Variants in ACOXL observed in about 807,000 individuals in gnomAD.
ACOXL encodes the protein acyl-coenzyme A oxidase-like protein.
In ACOXL, 70 loss-of-function variants were observed where a neutral mutation model predicts 71.9. The observed-to-expected ratio is 0.97, with a 90% CI of 0.80 to 1.19. The LOEUF is 1.19. ACOXL is among the 50% of genes most tolerant of loss of function. ACOXL has a pLI of 0.00. For synonymous variants in ACOXL, 253 were observed against 281.6 expected (o/e 0.90, Z 1.02); for missense variants, 703 against 736.3 (o/e 0.95, Z 0.52).
In ACOXL at chr2:110,995,982, T is replaced by G; in HGVS notation, c.1259T>G (p.Leu420Trp). ...CGTGAAAGGGTTCTTCAGCGGGGTT[T>G]GGTGGCCAGAATTTATTATAAGGTA... Reference protein sequence around the residue: ...KFRERVLQRGLVARIYYKVKT... With the variant: ...KFRERVLQRGWVARIYYKVKT... The change falls in exon 14 of 18, where the codon TTG (leucine) becomes TGG (tryptophan). Residue 420 changes from leucine to tryptophan, a missense_variant. Physicochemically the swap from Leu to Trp is moderately conservative, Grantham distance 61 (BLOSUM62 -2). Transcript: ENST00000439055. The G allele has an allele frequency of 6.3e-7, 1 of 1,591,436 alleles. No individual in the cohort carries two copies. The highest frequency in any genetic ancestry group is 8.5e-7 in the Non-Finnish European group (1 of 1,179,074).
At chr2:110,787,547 A>AG (rs1319268364) in intron 3 of ACOXL, among the ~76,000 whole-genome samples, 2 of 151,656 alleles carry the variant, frequency 1.3e-5, no homozygotes, top group Admixed American at 6.6e-5. Flanking sequence ...AAAAAAAAAA[A>AG]AAAAAGAAAA....
chr2:110,799,371 G>A (rs1407022463), intron 7 of ACOXL, among the ~76,000 whole-genome samples: 1 of 152,168 alleles, frequency 6.6e-6, no homozygotes, highest in Non-Finnish European at 1.5e-5. Flanking sequence ...CCACAATCCT[G>A]TTTTGTCTTC....
chr2:110,808,269 G>C lies in ACOXL; in HGVS notation c.753+2874G>C, dbSNP rs112616509. On this transcript the variant is annotated intron_variant, in intron 9 of 17. Coordinates refer to ENST00000439055, the MANE Select transcript of ACOXL (RefSeq NM_001142807.4). ...CATTCTCTTGGGTTGATTTTGCGCA[G>C]AGGTAAATATTTTAGCTAAGACAAG... Among the ~76,000 whole-genome samples, 56 of 152,268 alleles carry C rather than the reference G, an allele frequency of 3.7e-4. 1 individual carries two copies. Among genetic ancestry groups the C allele is most frequent in the African/African-American group, 1.3e-3 (52 of 41,540 alleles).
intron 3 of ACOXL, among the ~76,000 whole-genome samples, chr2:110,789,126 G>T (rs1684349692): frequency 6.6e-6 from 1 of 152,184 alleles, no homozygotes; most frequent in African/African-American, 2.4e-5. Flanking sequence ...CCAAGTGCTG[G>T]CAGGGCTGGG....
chr2:110,942,205 G>A (rs2060892697), intron 12 of ACOXL, among the ~76,000 whole-genome samples: 1 of 151,968 alleles, frequency 6.6e-6, no homozygotes. Flanking sequence ...ATAGCAAAAT[G>A]GTATATTTAA....
chr2:110,761,361 A>G (rs569551344), intron 1 of ACOXL, among the ~76,000 whole-genome samples: 3 of 152,152 alleles, frequency 2.0e-5, no homozygotes, highest in Non-Finnish European at 4.4e-5. Context: ...GTTGATTAAT[A>G]TCAACTCCCA....
chr2:111,041,591 TC>T (rs2065787371), intron 15 of ACOXL, among the ~76,000 whole-genome samples: 1 of 133,368 alleles, frequency 7.5e-6, no homozygotes, highest in African/African-American at 2.8e-5. Flanking sequence ...GGCTGCCGCC[TC>T]TGGCTGCCCC....
At chr2:110,903,014 G>C (rs1213346892) in intron 10 of ACOXL, among the ~76,000 whole-genome samples, 1 of 152,226 alleles carries the variant, frequency 6.6e-6, no homozygotes. Flanking sequence ...CGGTGGAGGA[G>C]GTTTTGTTCC....
intron 10 of ACOXL, among the ~76,000 whole-genome samples, chr2:110,896,274 G>A (rs577493385): frequency 6.6e-6 from 1 of 152,046 alleles, no homozygotes; most frequent in Non-Finnish European, 1.5e-5. Context: ...CATCAAAATG[G>A]AATTTTAGAA....
At chr2:111,105,390 A>C (rs1008524699) in intron 17 of ACOXL, among the ~76,000 whole-genome samples, 1 of 152,040 alleles carries the variant, frequency 6.6e-6, no homozygotes, top group Non-Finnish European at 1.5e-5. Context: ...TTTGATAGGT[A>C]TTGCATTAAA....
intron 16 of ACOXL, among the ~76,000 whole-genome samples, chr2:111,089,874 T>C (rs1271538808): frequency 6.6e-6 from 1 of 152,122 alleles, no homozygotes; most frequent in Non-Finnish European, 1.5e-5. Context: ...ACACTGGATA[T>C]TGCTTTTAGT....
intron 13 of ACOXL, among the ~76,000 whole-genome samples, chr2:110,988,857 T>TTGTGTG (rs70958753): frequency 0.032 from 4,568 of 143,412 alleles, 104 homozygotes; most frequent in South Asian, 0.05. Flanking sequence ...CCTATTTTTA[T>TTGTGTG]TGTGTGTGTG....
At chr2:110,736,383 C>G (rs918157469) in intron 1 of ACOXL, among the ~76,000 whole-genome samples, 100 of 152,276 alleles carry the variant, frequency 6.6e-4, no homozygotes, top group African/African-American at 2.4e-3. Flanking sequence ...ACTAACTCCC[C>G]ACTCCCCTCT....
chr2:111,025,402 G>T (rs187760111), intron 14 of ACOXL, among the ~76,000 whole-genome samples: 1 of 152,270 alleles, frequency 6.6e-6, no homozygotes, highest in African/African-American at 2.4e-5. Context: ...ATCAGAAATT[G>T]CCCAGCTGTT....
rs1042340404 is a variant in ACOXL at position 110,816,662 on chromosome 2, A to G, written c.753+11267A>G. Among the ~76,000 whole-genome samples the G allele has an allele frequency of 2.0e-5, 3 of 152,146 alleles. No individual in the cohort carries two copies. The South Asian group carries it at 6.2e-4, about 32-fold the overall frequency. On this transcript the variant is annotated intron_variant, in intron 9 of 17. Coordinates refer to ENST00000439055, the MANE Select transcript of ACOXL (RefSeq NM_001142807.4). ...GTGACTGGAGTGCTATTCTAGGTGGATGATACACAGGTCCGGGGATGGTCT... is the reference window on the plus strand; with the variant it reads ...GTGACTGGAGTGCTATTCTAGGTGGGTGATACACAGGTCCGGGGATGGTCT...
chr2:111,114,527 C>CA (rs1366949645), intron 17 of ACOXL, among the ~76,000 whole-genome samples: 3 of 151,896 alleles, frequency 2.0e-5, no homozygotes, highest in Non-Finnish European at 4.4e-5. Context: ...GGATTTTTCA[C>CA]AAAAAACAGC....
At chr2:111,073,048 T>C (rs1574673951) in intron 16 of ACOXL, among the ~76,000 whole-genome samples, 1 of 152,368 alleles carries the variant, frequency 6.6e-6, no homozygotes, top group South Asian at 2.1e-4. Flanking sequence ...GTTTGCCATA[T>C]GTATCCCCTT....
At chr2:110,927,459 G>T (rs1433150486) in intron 11 of ACOXL, among the ~76,000 whole-genome samples, 1 of 152,062 alleles carries the variant, frequency 6.6e-6, no homozygotes, top group East Asian at 1.9e-4. Context: ...CCTGTCCTGT[G>T]CTCCTGCTGT....
At chr2:111,104,229 A>G (rs1413646870) in intron 17 of ACOXL, among the ~76,000 whole-genome samples, 1 of 152,222 alleles carries the variant, frequency 6.6e-6, no homozygotes, top group Non-Finnish European at 1.5e-5. Context: ...CCACTCACAC[A>G]TTGAAGGATA....
Sources: gnomAD v4.1 joint callset for allele counts (sites outside exome capture counted in the v4.1 genomes callset) on GRCh38, gnomAD v4.1.1 for gene constraint, MANE v1.5 for transcripts, NCBI Gene and HGNC (gene_info 2026-07-23, HGNC 2026-07-21) for gene names.